PUDP: variants seen among roughly 807,000 people sequenced by gnomAD.
PUDP encodes pseudouridine-5'-phosphatase.
Under a neutral mutation model 9.4 loss-of-function variants are expected in PUDP, and 8 were observed. The observed-to-expected ratio is 0.85, with a 90% CI of 0.50 to 1.53. PUDP has a LOEUF of 1.53. Ranked by LOEUF, PUDP falls within the 40% of genes most tolerant of loss-of-function variation. PUDP has a pLI of 0.00. For synonymous variants in PUDP, 99 were observed against 80.7 expected (o/e 1.23, Z -1.22); for missense variants, 188 against 189.7 (o/e 0.99, Z 0.05).
intron 3 of PUDP, among the ~76,000 whole-genome samples, chrX:6,884,904 A>G (rs767694697): frequency 8.9e-6 from 1 of 112,306 alleles, no homozygotes; most frequent in African/African-American, 3.2e-5. Context: ...GTTTCTGTAT[A>G]GTGCCATCTG....
rs761678951 is a variant in PUDP at position 6,727,559 on chromosome X, G to A, written c.*248-21093C>T. ...ACTACTGGGTGTGCACTCCTGTCTTGTTGGATCCAGGTGGCTTAATGAGTC... is the reference window on the plus strand; with the variant it reads ...ACTACTGGGTGTGCACTCCTGTCTTATTGGATCCAGGTGGCTTAATGAGTC... On this transcript the variant is annotated intron_variant and NMD_transcript_variant, in intron 3 of 3. Coordinates refer to the PUDP transcript ENST00000655425. Among the ~76,000 whole-genome samples the A allele has an allele frequency of 3.6e-5, 4 of 112,017 alleles. No homozygotes were observed. In the Admixed American group the frequency reaches 3.8e-4, roughly 11 times the overall value.
Position 7,148,101 on chromosome X carries a change from GGGGCGCCGCCATGGT to G in PUDP, c.-3_12del. 8.8e-7 allele frequency: 1 copy of G among 1,133,879 alleles called. No homozygotes were observed. Among genetic ancestry groups the G allele is most frequent in the South Asian group, 2.0e-5 (1 of 50,189 alleles). The allele number at this position is 1,133,879 out of a possible 1,213,427, so 93.4% of individuals were successfully genotyped here. On this transcript the variant is annotated start_lost and 5_prime_UTR_variant, in exon 1 of 4. Transcript: ENST00000381077. ...AAGATGAGGTGGGTGACGGGCTGCG[GGGGCGCCGCCATGGT>G]GGCGCCTTCTGGGTCTGGGTGGGGG...
intron 2 of PUDP, among the ~76,000 whole-genome samples, chrX:7,087,511 C>T (rs767760019): frequency 8.9e-6 from 1 of 111,868 alleles, no homozygotes; most frequent in South Asian, 3.8e-4. Context: ...GAAGCTAATA[C>T]AGTGGGTTGA....
At chrX:6,784,274 G>A (rs1925610896) in intron 3 of PUDP, among the ~76,000 whole-genome samples, 1 of 111,519 alleles carries the variant, frequency 9.0e-6, no homozygotes, top group African/African-American at 3.3e-5. Flanking sequence ...TCTAATTGAG[G>A]CTTGCTGTTC....
At chrX:6,926,681 T>C (rs1679659755) in intron 3 of PUDP, among the ~76,000 whole-genome samples, 3 of 112,041 alleles carry the variant, frequency 2.7e-5, no homozygotes, top group Non-Finnish European at 3.8e-5. Context: ...ACCATTTTAT[T>C]GTGCATTCAG....
rs746184432 is a variant in PUDP at position 6,789,164 on chromosome X, C to T, written c.*248-82698G>A. Reference sequence around the variant, plus strand: ...AATTAGCAGGGTGTGGTGGCAGGCACCTGTAATCCCAGCTACTAGGGAGGC... The same window carrying T: ...AATTAGCAGGGTGTGGTGGCAGGCATCTGTAATCCCAGCTACTAGGGAGGC... On this transcript the variant is annotated intron_variant and NMD_transcript_variant, in intron 3 of 3. Coordinates refer to the PUDP transcript ENST00000655425. Among the ~76,000 whole-genome samples, 261 of 110,901 alleles carry T rather than the reference C, an allele frequency of 2.4e-3. 1 individual carries two copies. Among genetic ancestry groups the T allele is most frequent in the African/African-American group, 8.3e-3 (252 of 30,504 alleles).
chrX:7,027,457 T>C (rs1929727147), intron 1 of PUDP, among the ~76,000 whole-genome samples: 1 of 106,052 alleles, frequency 9.4e-6, no homozygotes, highest in Non-Finnish European at 1.9e-5. Context: ...GGAATACATA[T>C]ATATGTGTGT....
intron 1 of PUDP, among the ~76,000 whole-genome samples, chrX:7,026,011 A>T (rs1368073603): frequency 8.9e-6 from 1 of 112,721 alleles, no homozygotes; most frequent in Non-Finnish European, 1.9e-5. Context: ...CTGAAGCCCT[A>T]AATTAGTGTG....
rs186054662 is a variant in PUDP, at chrX:6,944,901, T to C, written c.*247+32232A>G. ...TGATCCCAAATTTTTAGACAAAACT[T>C]TCCCTCCTTATCCGATCACAAATCA... On this transcript the variant is annotated intron_variant and NMD_transcript_variant, in intron 3 of 3. Coordinates refer to the PUDP transcript ENST00000655425. Among the ~76,000 whole-genome samples, 8 of 111,629 alleles carry C rather than the reference T, an allele frequency of 7.2e-5. No homozygotes were observed. In the East Asian group the frequency reaches 2.3e-3, roughly 32 times the overall value.
intron 3 of PUDP, among the ~76,000 whole-genome samples, chrX:6,794,756 C>T (rs756737513): frequency 6.4e-5 from 7 of 108,986 alleles, no homozygotes; most frequent in East Asian, 5.8e-4. Flanking sequence ...GAAGGAGTTT[C>T]GCCATGTTGG....
intron 3 of PUDP, among the ~76,000 whole-genome samples, chrX:7,062,927 A>T (rs966030609): frequency 9.8e-6 from 1 of 101,580 alleles, no homozygotes; most frequent in Non-Finnish European, 2.0e-5. Context: ...CCAAAATACA[A>T]CTCATCCACT....
intron 3 of PUDP, among the ~76,000 whole-genome samples, chrX:6,850,371 G>A (rs1351355728): frequency 8.9e-6 from 1 of 112,306 alleles, no homozygotes; most frequent in Non-Finnish European, 1.9e-5. Flanking sequence ...CAAGGTTGGA[G>A]ACACGGGTGG....
At chrX:7,053,847 A>G (rs1325111519) in intron 3 of PUDP, among the ~76,000 whole-genome samples, 8 of 111,791 alleles carry the variant, frequency 7.2e-5, no homozygotes, top group Non-Finnish European at 1.1e-4. Flanking sequence ...GAAACTTGCA[A>G]GTGTCTGCGG....
intron 2 of PUDP, among the ~76,000 whole-genome samples, chrX:7,105,160 G>A (rs1020688226): frequency 1.8e-4 from 20 of 109,477 alleles, no homozygotes; most frequent in African/African-American, 6.3e-4. Flanking sequence ...GGCTAAAAAT[G>A]AATTCGACTT....
chrX:6,947,775 AAAATAAATAAATAAATAAATAAAT>A (rs200121266), intron 3 of PUDP, among the ~76,000 whole-genome samples: 1 of 96,887 alleles, frequency 1.0e-5, no homozygotes, highest in African/African-American at 3.8e-5. Flanking sequence ...CCCTGTCTCA[AAAATAAATAAATAAATAAATAAAT>A]AAATAAATAA....
intron 3 of PUDP, among the ~76,000 whole-genome samples, chrX:6,809,310 T>C (rs1926103105): frequency 9.1e-6 from 1 of 109,743 alleles, no homozygotes. Context: ...TTTTTAAAAA[T>C]TTTAAGATAT....
intron 3 of PUDP, among the ~76,000 whole-genome samples, chrX:6,958,225 C>A (rs1408237830): frequency 1.8e-5 from 2 of 111,140 alleles, no homozygotes; most frequent in East Asian, 5.7e-4. Flanking sequence ...TTAAAAGAGG[C>A]AAAGGTAGAG....
At chrX:6,968,756 A>T (rs914886682) in intron 3 of PUDP, among the ~76,000 whole-genome samples, 1 of 110,351 alleles carries the variant, frequency 9.1e-6, no homozygotes, top group Non-Finnish European at 1.9e-5. Context: ...AGTAGCTGGG[A>T]CTACAGGCAC....
chrX:6,918,388 CTA>C (rs769101031), intron 3 of PUDP, among the ~76,000 whole-genome samples: 1 of 112,298 alleles, frequency 8.9e-6, no homozygotes, highest in Non-Finnish European at 1.9e-5. Context: ...TGAACCCCTA[CTA>C]TGTGTAAGCT....
Sources: gnomAD v4.1 joint callset for allele counts (sites outside exome capture counted in the v4.1 genomes callset) on GRCh38, gnomAD v4.1.1 for gene constraint, MANE v1.5 for transcripts, NCBI Gene and HGNC (gene_info 2026-07-23, HGNC 2026-07-21) for gene names.